Variants in FBXL17 observed in about 807,000 individuals in gnomAD.
FBXL17 encodes F-box and leucine rich repeat protein 17.
FBXL17 carries 22 observed loss-of-function variants against 66.2 expected under a neutral mutation model. The ratio of observed to expected loss-of-function variants is 0.33; its 90% CI spans 0.24 to 0.47. FBXL17 has a LOEUF of 0.47. Ranked by LOEUF, FBXL17 falls within the 20% of genes least tolerant of loss-of-function variation. The pLI is 1.00. For synonymous variants in FBXL17, 474 were observed against 400.5 expected (o/e 1.18, Z -2.19); for missense variants, 878 against 948.2 (o/e 0.93, Z 0.97).
At chr5:107,953,351 C>G (rs181213147) in intron 7 of FBXL17, among the ~76,000 whole-genome samples, 122 of 139,328 alleles carry the variant, frequency 8.8e-4, no homozygotes, top group South Asian at 3.3e-3. Flanking sequence ...TGCAGTGAGC[C>G]GAGATCTCAC....
intron 8 of FBXL17, among the ~76,000 whole-genome samples, chr5:107,871,835 G>C (rs1416988158): frequency 6.6e-6 from 1 of 151,836 alleles, no homozygotes; most frequent in Non-Finnish European, 1.5e-5. Context: ...TGTATTTATG[G>C]AACACATCTG....
chr5:108,330,170 T>C (rs142920284), intron 4 of FBXL17, among the ~76,000 whole-genome samples: 8 of 152,312 alleles, frequency 5.3e-5, no homozygotes, highest in East Asian at 3.9e-4. Context: ...GAATCATGTA[T>C]GCCCTAGCTT....
intron 5 of FBXL17, among the ~76,000 whole-genome samples, chr5:108,213,564 T>C (rs935812791): frequency 2.6e-5 from 4 of 152,244 alleles, no homozygotes; most frequent in African/African-American, 9.6e-5. Context: ...CCCTTGCGCT[T>C]CCTGGGTGAG....
At chr5:107,916,606 A>C (rs1000470534) in intron 7 of FBXL17, among the ~76,000 whole-genome samples, 1 of 152,202 alleles carries the variant, frequency 6.6e-6, no homozygotes, top group East Asian at 1.9e-4. Context: ...AATGAAGTCA[A>C]GTCTAAAATT....
Position 108,244,198 on chromosome 5 carries a change from T to A in FBXL17, c.1507-19970A>T, listed in dbSNP as rs939174442. The stretch of plus-strand genomic sequence containing the variant: ...ATTTACTAGTTCTCTTTTCCTCATA[T>A]TTCTTCTGAATCCTTTTGCCCATTC... On this transcript the variant is annotated intron_variant, in intron 4 of 8. Coordinates refer to ENST00000542267, the MANE Select transcript of FBXL17 (RefSeq NM_001163315.3). 4.8e-4 allele frequency among the ~76,000 whole-genome samples: 73 copies of A among 152,182 alleles called. 3 individuals are homozygous for A. Among genetic ancestry groups the A allele is most frequent in the Non-Finnish European group, 4.4e-5 (3 of 68,014 alleles).
At chr5:108,092,593 A>C (rs1212394476) in intron 6 of FBXL17, among the ~76,000 whole-genome samples, 1 of 152,164 alleles carries the variant, frequency 6.6e-6, no homozygotes, top group Non-Finnish European at 1.5e-5. Context: ...GGGATTACAG[A>C]CGTTGAGCCA....
At chr5:108,195,391 A>G (rs535792006) in intron 5 of FBXL17, among the ~76,000 whole-genome samples, 8 of 152,276 alleles carry the variant, frequency 5.3e-5, no homozygotes, top group African/African-American at 1.9e-4. Context: ...AGGACAGTGC[A>G]AAGGCCCTGA....
intron 4 of FBXL17, among the ~76,000 whole-genome samples, chr5:108,324,407 AAAAT>A (rs894518918): frequency 7.9e-5 from 12 of 152,204 alleles, no homozygotes; most frequent in Admixed American, 2.0e-4. Flanking sequence ...GTCTACTATA[AAAAT>A]AAATAAATAA....
At chr5:108,294,323 G>A (rs1484353065) in intron 4 of FBXL17, among the ~76,000 whole-genome samples, 4 of 148,728 alleles carry the variant, frequency 2.7e-5, no homozygotes, top group Non-Finnish European at 5.9e-5. Flanking sequence ...TGACAGTAGT[G>A]TTCAAAATAC....
intron 4 of FBXL17, among the ~76,000 whole-genome samples, chr5:108,262,082 A>ATTTT (rs769903670): frequency 8.8e-4 from 101 of 114,212 alleles, no homozygotes; most frequent in East Asian, 5.8e-3. Flanking sequence ...TTATTTATTT[A>ATTTT]TTTATTTTTT....
chr5:108,232,792 T>TATATATATATATATATATATATATTA (rs1554077844), intron 4 of FBXL17, among the ~76,000 whole-genome samples: 2 of 109,520 alleles, frequency 1.8e-5, no homozygotes, highest in Non-Finnish European at 4.1e-5. Context: ...CATATATATA[T>TATATATATATATATATATATATATTA]ATATATATAT....
chr5:108,127,095 TTAGTTTGCTTGTGCAAACAAGAA>T, intron 6 of FBXL17, among the ~76,000 whole-genome samples: 1 of 152,198 alleles, frequency 6.6e-6, no homozygotes. Context: ...GTTTTGTTTT[TTAGTTTGCTTGTGCAAACAAGAA>T]TAAGGAGAAA....
At chr5:107,985,502 T>A (rs1461250626) in intron 7 of FBXL17, among the ~76,000 whole-genome samples, 1 of 152,242 alleles carries the variant, frequency 6.6e-6, no homozygotes, top group Non-Finnish European at 1.5e-5. Flanking sequence ...CTATTCTCTC[T>A]ATGCCTATGA....
At chr5:108,168,598 T>G (rs951604230) in intron 6 of FBXL17, among the ~76,000 whole-genome samples, 1 of 152,190 alleles carries the variant, frequency 6.6e-6, no homozygotes, top group Non-Finnish European at 1.5e-5. Context: ...GGCAGTTTGC[T>G]CTATCTAAAT....
intron 4 of FBXL17, among the ~76,000 whole-genome samples, chr5:108,289,967 C>T (rs1050539678): frequency 1.8e-4 from 28 of 152,102 alleles, no homozygotes; most frequent in African/African-American, 4.6e-4. Context: ...TTCACAAAAA[C>T]GCACAAATAA....
At chr5:107,974,826 A>G (rs1020193025) in intron 7 of FBXL17, among the ~76,000 whole-genome samples, 4 of 152,154 alleles carry the variant, frequency 2.6e-5, no homozygotes, top group African/African-American at 7.2e-5. Flanking sequence ...AATGTTTGAT[A>G]AAGAGACATC....
chr5:108,231,352 C>G (rs1755332429), intron 4 of FBXL17, among the ~76,000 whole-genome samples: 1 of 152,184 alleles, frequency 6.6e-6, no homozygotes, highest in African/African-American at 2.4e-5. Flanking sequence ...CCACAGGCAA[C>G]TACTGATCTG....
chr5:108,042,908 C>G (rs901262095), intron 6 of FBXL17, among the ~76,000 whole-genome samples: 1 of 152,126 alleles, frequency 6.6e-6, no homozygotes, highest in African/African-American at 2.4e-5. Context: ...GGTTTTGTGA[C>G]AATCTTTTTT....
chr5:108,195,639 C>T (rs910266674), intron 5 of FBXL17, among the ~76,000 whole-genome samples: 1 of 152,128 alleles, frequency 6.6e-6, no homozygotes, highest in African/African-American at 2.4e-5. Flanking sequence ...ACCCAAGCTT[C>T]TGTGTTGAAT....
Sources: allele counts gnomAD v4.1 joint callset (sites outside exome capture counted in the v4.1 genomes callset), GRCh38; gene constraint gnomAD v4.1.1; transcripts MANE v1.5; gene names NCBI Gene and HGNC (gene_info 2026-07-23, HGNC 2026-07-21).